TUT4: variants seen among roughly 807,000 people sequenced by gnomAD.
The protein encoded by TUT4 is terminal uridylyl transferase 4, also known as terminal uridylyltransferase 4.
TUT4 carries 36 observed loss-of-function variants against 192.2 expected under a neutral mutation model. The observed-to-expected ratio is 0.19, with a 90% CI of 0.14 to 0.25. The LOEUF (loss-of-function observed/expected upper bound fraction) is 0.25, where lower values mean the gene tolerates loss of function less well. Ranked by LOEUF, TUT4 falls within the 10% of genes least tolerant of loss-of-function variation. The pLI is 1.00. For synonymous variants in TUT4, 618 were observed against 666.0 expected (o/e 0.93, Z 1.11); for missense variants, 1,493 against 1,957.2 (o/e 0.76, Z 4.47).
intron 12 of TUT4, among the ~76,000 whole-genome samples, chr1:52,476,470 G>A (rs1220671852): frequency 2.0e-5 from 3 of 152,032 alleles, no homozygotes; most frequent in Admixed American, 6.6e-5. Context: ...CAGGAAAAAA[G>A]AACAGTGCAC....
chr1:52,473,883 AT>A (rs1666425770), intron 13 of TUT4, among the ~76,000 whole-genome samples: 1 of 152,114 alleles, frequency 6.6e-6, no homozygotes, highest in African/African-American at 2.4e-5. Context: ...TTTTCCTATG[AT>A]TTTAAATGAT....
rs142347249 is a variant in TUT4 at position 52,474,871 on chromosome 1, T to A, written c.2688A>T (p.Leu896Phe). The change falls in exon 13 of 30, where the codon TTA becomes TTT. Residue 896 changes from leucine to phenylalanine, a missense_variant. Leu to Phe is a conservative substitution (Grantham distance 22, BLOSUM62 0). Coordinates refer to ENST00000257177, the MANE Select transcript of TUT4 (RefSeq NM_001009881.3). ...AAATAAACTTATCAAACACATAATA[T>A]AATTCCTGGGTGGGGAGGTTATCAT... Reference protein sequence around the residue: ...NDDDNLPTQELYYVFDKFILT... With the variant: ...NDDDNLPTQEFYYVFDKFILT... 2.6e-4 allele frequency: 417 copies of A among 1,612,176 alleles called. 1 individual carries two copies. In the African/African-American group the frequency reaches 3.7e-3, roughly 14 times the overall value.
In TUT4 at chr1:52,518,834, A is replaced by C. The variant is rs1679407192; in HGVS notation, c.719-2780T>G. On this transcript the variant is annotated intron_variant, in intron 2 of 29. Transcript: ENST00000257177. ...AGTGGGGAATGGGGAGTAACTCTTA[A>C]TGGGCATGGGGTTTCCTTTTGGGAT... 2.0e-5 allele frequency among the ~76,000 whole-genome samples: 3 copies of C among 152,164 alleles called. 1 individual carries two copies. In the South Asian group the frequency reaches 6.2e-4, roughly 32 times the overall value.
chr1:52,474,753 T>A (rs752075487), intron 13 of TUT4, 79 bp downstream of exon 13: 9 of 1,249,314 alleles, frequency 7.2e-6, no homozygotes, highest in Non-Finnish European at 9.7e-6. Context: ...TAGCTATTTT[T>A]ACATTTCTAA....
At chr1:52,541,922 T>C (rs956693392) in intron 1 of TUT4, among the ~76,000 whole-genome samples, 8 of 152,144 alleles carry the variant, frequency 5.3e-5, no homozygotes, top group African/African-American at 1.2e-4. Flanking sequence ...TTATTCACGA[T>C]AGCCAAAATG....
rs1459920561 is a variant in TUT4, at chr1:52,490,281, G to C, written c.1388+451C>G. Reference sequence around the variant, plus strand: ...TCCTCCCACCTCAGCCTCCCGAGTAGCTGGGACCACAGGCACACACACCCA... The same window carrying C: ...TCCTCCCACCTCAGCCTCCCGAGTACCTGGGACCACAGGCACACACACCCA... On this transcript the variant is annotated intron_variant, in intron 8 of 29. Coordinates refer to ENST00000257177, the MANE Select transcript of TUT4 (RefSeq NM_001009881.3). Among the ~76,000 whole-genome samples, 8 of 151,372 alleles carry C rather than the reference G, an allele frequency of 5.3e-5. No individual in the cohort carries two copies. In the South Asian group the frequency reaches 1.7e-3, roughly 32 times the overall value.
At chr1:52,444,397 G>C (rs1477855841) in intron 24 of TUT4, among the ~76,000 whole-genome samples, 1 of 151,968 alleles carries the variant, frequency 6.6e-6, no homozygotes, top group African/African-American at 2.4e-5. Context: ...AGTGCTCCAA[G>C]GGAAAAGAAG....
At chr1:52,472,173 A>G in intron 13 of TUT4, 71 bp from the exon 14 acceptor site, 2 of 1,399,900 alleles carry the variant, frequency 1.4e-6, no homozygotes, top group Non-Finnish European at 1.9e-6. Context: ...AAGTGAATTC[A>G]AAACAAATCT....
intron 28 of TUT4, among the ~76,000 whole-genome samples, chr1:52,428,636 A>AAG (rs1340037824): frequency 6.6e-6 from 1 of 150,412 alleles, no homozygotes; most frequent in Non-Finnish European, 1.5e-5. Context: ...AAAAAAAAAA[A>AAG]AAAAAAAAAA....
chr1:52,506,096 G>A (rs184235982), intron 4 of TUT4, among the ~76,000 whole-genome samples: 132 of 152,272 alleles, frequency 8.7e-4, no homozygotes, highest in African/African-American at 3.1e-3. Context: ...AGGATTACAG[G>A]CCTGAGCTAC....
chr1:52,519,122 A>G (rs1041091763), intron 2 of TUT4, among the ~76,000 whole-genome samples: 1 of 152,220 alleles, frequency 6.6e-6, no homozygotes. Flanking sequence ...GAAACAATCC[A>G]AATATCCATC....
intron 11 of TUT4, among the ~76,000 whole-genome samples, chr1:52,479,430 C>G (rs1667915127): frequency 6.6e-6 from 1 of 152,058 alleles, no homozygotes; most frequent in Non-Finnish European, 1.5e-5. Context: ...ATGATGGTGG[C>G]TAGGACCAGG....
chr1:52,494,159 T>C (rs1400934727), intron 6 of TUT4, among the ~76,000 whole-genome samples: 1 of 152,080 alleles, frequency 6.6e-6, no homozygotes, highest in East Asian at 1.9e-4. Context: ...TAATAAATGA[T>C]ATAGCACTTT....
intron 15 of TUT4, among the ~76,000 whole-genome samples, chr1:52,467,568 G>T (rs1664563692): frequency 6.6e-6 from 1 of 152,014 alleles, no homozygotes; most frequent in African/African-American, 2.4e-5. Context: ...CAGTCTTATA[G>T]CCCAGCAAAC....
Position 52,486,472 on chromosome 1 carries a change from T to C in TUT4, c.1515+2437A>G, listed in dbSNP as rs375714393. Among the ~76,000 whole-genome samples, 15 of 152,232 alleles carry C rather than the reference T, an allele frequency of 9.9e-5. No homozygotes were observed. In the East Asian group the frequency reaches 1.2e-3, roughly 12 times the overall value. Reference sequence around the variant, plus strand: ...ATCACAGTTATAAGAGTAAATTATATACTAGAATTGTCCTGAACCCCCAAA... The same window carrying C: ...ATCACAGTTATAAGAGTAAATTATACACTAGAATTGTCCTGAACCCCCAAA... On this transcript the variant is annotated intron_variant, in intron 9 of 29. Transcript: ENST00000257177.
chr1:52,486,386 A>T (rs1669791017), intron 9 of TUT4, among the ~76,000 whole-genome samples: 1 of 152,174 alleles, frequency 6.6e-6, no homozygotes, highest in Non-Finnish European at 1.5e-5. Context: ...ATTTCCCATT[A>T]CTAAAATGCA....
At chr1:52,526,980 T>C (rs1054951088) in intron 1 of TUT4, among the ~76,000 whole-genome samples, 2 of 151,924 alleles carry the variant, frequency 1.3e-5, no homozygotes, top group South Asian at 2.1e-4. Context: ...GCCAAGATCA[T>C]GCCATTGTAC....
rs1376967929 is a variant in TUT4, at chr1:52,497,031, T to C, written c.1152A>G (p.Ser384=). The C allele has an allele frequency of 1.2e-6, 2 of 1,613,134 alleles. No homozygotes were observed. The highest frequency in any genetic ancestry group is 1.7e-5 in the Admixed American group (1 of 59,694). ...CTGGTAAAAATGTCGTTATAACCTT[T>C]GACATTTCCTCCACAATTTCCTGAC... ...RVRQEIVEEM[S]KVITTFLPEC... is the part of the protein sequence containing the mutation. Residue 384 remains serine, a synonymous_variant, in exon 5 of 30, where the codon TCA becomes TCG. Transcript: ENST00000257177.
chr1:52,462,315 T>A (rs1570563688), intron 16 of TUT4: 1 of 152,280 alleles, frequency 6.6e-6, no homozygotes. Flanking sequence ...CCTCCCGAGT[T>A]GCTGGGACTA....
Sources: allele counts gnomAD v4.1 joint callset (sites outside exome capture counted in the v4.1 genomes callset), GRCh38; gene constraint gnomAD v4.1.1; transcripts MANE v1.5; gene names NCBI Gene and HGNC (gene_info 2026-07-23, HGNC 2026-07-21).